The following IFT140 variants were observed in gnomAD, a reference collection of about 807,000 sequenced individuals.
The protein encoded by IFT140 is intraflagellar transport protein 140 homolog.
Under a neutral mutation model 164.6 loss-of-function variants are expected in IFT140, and 133 were observed. The ratio of observed to expected loss-of-function variants is 0.81; its 90% confidence interval spans 0.70 to 0.93. IFT140 has a LOEUF of 0.93. Among genes scored for constraint, IFT140 ranks in the 40% least tolerant of loss-of-function variants. The pLI, the probability that IFT140 is intolerant of heterozygous loss-of-function variation, is 0.00. For synonymous variants in IFT140, 860 were observed against 817.3 expected (o/e 1.05, Z -0.89); for missense variants, 2,045 against 1,972.3 (o/e 1.04, Z -0.70).
chr16:1,602,279 G>T, intron 4 of IFT140, 91 bp downstream of exon 4: 2 of 1,132,394 alleles, frequency 1.8e-6, no homozygotes, highest in Non-Finnish European at 2.6e-6. Context: ...TTTGGCAACA[G>T]CACGGTTCCC....
rs201504415 is a variant in IFT140, at chr16:1,589,576, C to T, written c.810+29G>A. ...AGAGAACCTGGCCCAAGATCCCCAG[C>T]GTGAGCCCCCAAGCCCACTCCCACT... On this transcript the variant is annotated intron_variant, in intron 7 of 30. Transcript: ENST00000426508. The T allele has an allele frequency of 4.8e-4, 770 of 1,602,748 alleles. 2 individuals are homozygous for T. The highest frequency in any genetic ancestry group is 4.5e-3 in the Middle Eastern group (27 of 6,018).
Position 1,581,548 on chromosome 16 carries a change from C to T in IFT140, c.1433-698G>A, listed in dbSNP as rs2034557887. Among the ~76,000 whole-genome samples the T allele has an allele frequency of 3.3e-5, 5 of 151,234 alleles. No individual in the cohort carries two copies. The South Asian group carries it at 6.3e-4, about 19-fold the overall frequency. On this transcript the variant is annotated intron_variant, in intron 12 of 30. Coordinates refer to ENST00000426508, the MANE Select transcript of IFT140 (RefSeq NM_014714.4). ...CCAGGAGATGGAGGCTGCAGTGAGC[C>T]GCCATCACACCACTGCACTCCAGCC...
At chr16:1,524,353 C>T in intron 24 of IFT140, 199 bp downstream of exon 24, 1 of 691,888 alleles carries the variant, frequency 1.4e-6, no homozygotes. Flanking sequence ...CAATTCAGTG[C>T]TTTGCAAACA....
Position 1,609,680 on chromosome 16 carries a change from A to G in IFT140, c.-32+984T>C, listed in dbSNP as rs552851578. Among the ~76,000 whole-genome samples, 8 of 152,318 alleles carry G rather than the reference A, an allele frequency of 5.3e-5. No homozygotes were observed. In the South Asian group the frequency reaches 1.7e-3, roughly 32 times the overall value. On this transcript the variant is annotated intron_variant, in intron 2 of 30. Transcript: ENST00000426508. Reference sequence around the variant, plus strand: ...CCTGCCTGAATGAGTTCCATACACAATGCATTAATATAATTGTTCATAGTT... The same window carrying G: ...CCTGCCTGAATGAGTTCCATACACAGTGCATTAATATAATTGTTCATAGTT...
chr16:1,595,080 T>C (rs899678415), intron 4 of IFT140, among the ~76,000 whole-genome samples: 21 of 151,782 alleles, frequency 1.4e-4, no homozygotes, highest in South Asian at 4.1e-4. Flanking sequence ...GGTCAGGAGA[T>C]GGAGACCCTC....
At chr16:1,610,538 C>A (rs930238960) in intron 2 of IFT140, 126 bp downstream of exon 2, 14 of 152,626 alleles carry the variant, frequency 9.2e-5, no homozygotes, top group Non-Finnish European at 1.5e-4. Context: ...GGGGACTCGG[C>A]GGCGCCGGGA....
chr16:1,528,385 GTGCACACACACGGA>G (rs1053719712), intron 19 of IFT140, among the ~76,000 whole-genome samples: 6 of 148,402 alleles, frequency 4.0e-5, no homozygotes, highest in African/African-American at 1.0e-4. Context: ...GCACGCACGT[GTGCACACACACGGA>G]TGCACACACA....
intron 4 of IFT140, among the ~76,000 whole-genome samples, chr16:1,595,458 A>G (rs978988899): frequency 1.4e-4 from 21 of 151,664 alleles, no homozygotes; most frequent in African/African-American, 4.8e-4. Context: ...CCTACTAAAA[A>G]TACAAAATTA....
chr16:1,510,796 G>T lies in IFT140; in HGVS notation c.*148C>A. 2.6e-6 allele frequency: 2 copies of T among 757,428 alleles called. No homozygotes were observed. The highest frequency in any genetic ancestry group is 4.4e-6 in the Non-Finnish European group (2 of 452,374). 46.9% of individuals were successfully genotyped at this position (757,428 alleles called of 1,614,324 possible). A position where few individuals can be genotyped will look rare whatever the true frequency, so the allele number is the denominator to read the frequency against. ...GACGGGTCACACCCTCCGCCGGCCC[G>T]GGCCGCTGCGTTCTCGCCCAGCTCT... On this transcript the variant is annotated 3_prime_UTR_variant, in exon 31 of 31. Coordinates refer to ENST00000426508, the MANE Select transcript of IFT140 (RefSeq NM_014714.4).
chr16:1,563,882 C>T (rs2033564103), intron 17 of IFT140, 115 bp downstream of exon 17: 4 of 1,152,014 alleles, frequency 3.5e-6, no homozygotes, highest in Non-Finnish European at 4.7e-6. Context: ...CCGCCTTGGC[C>T]TCCCACAGTG....
At chr16:1,527,005 A>T (rs2040723721) in intron 19 of IFT140, 10 of 556,072 alleles carry the variant, frequency 1.8e-5, no homozygotes, top group Non-Finnish European at 2.5e-5. Context: ...TCCTAACCCC[A>T]AGAGGCAGGG....
chr16:1,573,157 G>A (rs1460990870), intron 13 of IFT140, among the ~76,000 whole-genome samples: 1 of 152,220 alleles, frequency 6.6e-6, no homozygotes, highest in Non-Finnish European at 1.5e-5. Context: ...AGCTGAGGAA[G>A]CTCACTTCAT....
chr16:1,539,006 C>T (rs1286705434), intron 19 of IFT140, among the ~76,000 whole-genome samples: 20 of 150,872 alleles, frequency 1.3e-4, no homozygotes, highest in Admixed American at 9.2e-4. Flanking sequence ...CGGTGCCACG[C>T]GGCCCCCCAC....
rs867333690 is a variant in IFT140 at position 1,526,077 on chromosome 16, C to A, written c.2578G>T (p.Glu860Ter). ...AVLATQLGML[E>*]DAEQLYRKCK... is the part of the protein sequence containing the mutation. ...TTCCTGTACAGCTGCTCGGCGTCCTCCTGAGGAATGAGGATGGGCAGGTGT... is the reference window on the plus strand; with the variant it reads ...TTCCTGTACAGCTGCTCGGCGTCCTACTGAGGAATGAGGATGGGCAGGTGT... The change falls in exon 21 of 31, where the codon GAG becomes TAG. Residue 860 changes from glutamate (E) to a stop codon, truncating the protein, a stop_gained and splice_region_variant. Coordinates refer to ENST00000426508, the MANE Select transcript of IFT140 (RefSeq NM_014714.4). LOFTEE classifies it high-confidence loss of function. 6.3e-7 allele frequency: 1 copy of A among 1,580,776 alleles called. No individual in the cohort carries two copies. Among genetic ancestry groups the A allele is most frequent in the East Asian group, 2.3e-5 (1 of 42,816 alleles).
chr16:1,571,265 G>A, intron 14 of IFT140, 142 bp downstream of exon 14: 1 of 733,416 alleles, frequency 1.4e-6, no homozygotes, highest in Middle Eastern at 3.3e-4. Context: ...CCAACATGAG[G>A]CATTCGAGAG....
intron 6 of IFT140, among the ~76,000 whole-genome samples, chr16:1,590,158 G>A (rs1431905217): frequency 2.2e-5 from 3 of 137,332 alleles, no homozygotes; most frequent in Non-Finnish European, 4.5e-5. Flanking sequence ...CCAAGATTAC[G>A]CCATTGCACT....
Position 1,527,041 on chromosome 16 carries a change from GATCT to G in IFT140, c.2400-249_2400-246del, listed in dbSNP as rs2040725300. The G allele has an allele frequency of 3.4e-5, 18 of 524,584 alleles. No individual in the cohort carries two copies. In the South Asian group the frequency reaches 5.6e-4, roughly 16 times the overall value. 32.5% of individuals were successfully genotyped at this position (524,584 alleles called of 1,614,324 possible). A position where few individuals can be genotyped will look rare whatever the true frequency, so the allele number is the denominator to read the frequency against. ...GCCGGGTCCCATTAAAAGACAGAAG[GATCT>G]CTTATGCAGATCACCAGGCTCCTCC... On this transcript the variant is annotated intron_variant, in intron 19 of 30. Transcript: ENST00000426508.
chr16:1,526,427 C>T (rs920269870), intron 20 of IFT140, 192 bp downstream of exon 20: 40 of 645,502 alleles, frequency 6.2e-5, no homozygotes, highest in African/African-American at 3.9e-4. Flanking sequence ...CCTGGAGAGC[C>T]GGCGGTCGCC....
rs747933937 is a variant in IFT140 at position 1,517,810 on chromosome 16, C to T, written c.4182+406G>A. Among the ~76,000 whole-genome samples the T allele has an allele frequency of 6.6e-5, 10 of 152,132 alleles. No homozygotes were observed. In the East Asian group the frequency reaches 9.6e-4, roughly 15 times the overall value. On this transcript the variant is annotated intron_variant, in intron 30 of 30. Coordinates refer to ENST00000426508, the MANE Select transcript of IFT140 (RefSeq NM_014714.4). ...CACTGCTAGTAACAGCCAGTAACAG[C>T]GTGAGACTGTTACTTTTTGCTACCG...
Sources: gnomAD v4.1 joint callset for allele counts (sites outside exome capture counted in the v4.1 genomes callset) on GRCh38, gnomAD v4.1.1 for gene constraint, MANE v1.5 for transcripts, NCBI Gene and HGNC (gene_info 2026-07-23, HGNC 2026-07-21) for gene names.